SMG7: variants seen among roughly 807,000 people sequenced by gnomAD.
SMG7 encodes SMG7 nonsense mediated mRNA decay factor.
SMG7 carries 34 observed loss-of-function variants against 148.2 expected under a neutral mutation model. The observed-to-expected ratio is 0.23, with a 90% confidence interval of 0.17 to 0.31. SMG7 has a LOEUF of 0.31. SMG7 is among the 10% of genes least tolerant of loss of function. The probability of loss-of-function intolerance (pLI) is 1.00; values close to 1 mark genes in which losing one functional copy is unlikely to be tolerated. For synonymous variants in SMG7, 492 were observed against 515.1 expected, an observed-to-expected ratio of 0.96 and a Z score of 0.61; for missense variants, 1,114 against 1,408.4, an observed-to-expected ratio of 0.79 and a Z score of 3.35.
intron 1 of SMG7, among the ~76,000 whole-genome samples, chr1:183,491,431 ATG>A (rs1656973741): frequency 6.6e-6 from 1 of 152,096 alleles, no homozygotes; most frequent in African/African-American, 2.4e-5. Context: ...TTTTGTGTAC[ATG>A]TGTTTTCATT....
intron 19 of SMG7, 74 bp downstream of exon 19, chr1:183,549,362 G>A (rs1670554734): frequency 2.8e-6 from 3 of 1,075,822 alleles, no homozygotes; most frequent in Non-Finnish European, 4.2e-6. Context: ...TACTGTTTCA[G>A]TATGTCTGTT....
chr1:183,539,328 A>G (rs746695235), intron 12 of SMG7, among the ~76,000 whole-genome samples: 80 of 152,174 alleles, frequency 5.3e-4, no homozygotes, highest in Middle Eastern at 3.4e-3. Context: ...TCCTTCATGA[A>G]ACCTTTTTCC....
chr1:183,507,643 G>A (rs535924788), intron 1 of SMG7, among the ~76,000 whole-genome samples: 1 of 152,272 alleles, frequency 6.6e-6, no homozygotes, highest in African/African-American at 2.4e-5. Context: ...TACATATAGT[G>A]TTAGCTGTAC....
chr1:183,515,673 G>A (rs1026544118), intron 2 of SMG7, among the ~76,000 whole-genome samples: 2 of 135,676 alleles, frequency 1.5e-5, no homozygotes, highest in African/African-American at 5.6e-5. Flanking sequence ...CAGAAGCATT[G>A]TAAACCAGAC....
rs1321084869 is a variant in SMG7 at position 183,553,185 on chromosome 1, G to A, written c.*1254G>A. The A allele has an allele frequency of 2.9e-5, 45 of 1,535,588 alleles. No homozygotes were observed. Among genetic ancestry groups the A allele is most frequent in the East Asian group, 4.9e-5 (2 of 40,912 alleles). On this transcript the variant is annotated 3_prime_UTR_variant, in exon 23 of 23. Transcript: ENST00000688051. ...CGACGTCGTCCATTTTGGAAGAGACGAAAGAAAGGAAAATAAACTCTTTGT... is the reference window on the plus strand; with the variant it reads ...CGACGTCGTCCATTTTGGAAGAGACAAAAGAAAGGAAAATAAACTCTTTGT...
chr1:183,520,226 T>A (rs1269979582), intron 4 of SMG7, among the ~76,000 whole-genome samples: 1 of 152,164 alleles, frequency 6.6e-6, no homozygotes, highest in Non-Finnish European at 1.5e-5. Context: ...GATTACAGGT[T>A]GATATTTATC....
At chr1:183,485,438 T>C (rs1211810278) in intron 1 of SMG7, among the ~76,000 whole-genome samples, 1 of 152,188 alleles carries the variant, frequency 6.6e-6, no homozygotes, top group Non-Finnish European at 1.5e-5. Flanking sequence ...GATAAGTTTT[T>C]CTTGTATATT....
At chr1:183,514,464 G>A (rs1663007647) in intron 2 of SMG7, among the ~76,000 whole-genome samples, 1 of 152,154 alleles carries the variant, frequency 6.6e-6, no homozygotes, top group Non-Finnish European at 1.5e-5. Flanking sequence ...TCTATATTGT[G>A]TATATCAGTG....
intron 1 of SMG7, among the ~76,000 whole-genome samples, chr1:183,504,438 T>G (rs1660446178): frequency 6.6e-6 from 1 of 151,846 alleles, no homozygotes; most frequent in Non-Finnish European, 1.5e-5. Flanking sequence ...TCTCCCAGGT[T>G]CAAGTGATTC....
chr1:183,528,977 T>C lies in SMG7; in HGVS notation c.642T>C (p.Ala214=), dbSNP rs1666388286. 6.2e-7 allele frequency: 1 copy of C among 1,613,710 alleles called. No homozygotes were observed. The highest frequency in any genetic ancestry group is 8.5e-7 in the Non-Finnish European group (1 of 1,179,706). Residue 214 remains alanine (A), a synonymous_variant, in exon 7 of 23, where the codon GCT becomes GCC. Transcript: ENST00000688051. ...TTIFYYCRSI[A]VKFPFPAAST... ...TTTTCTACTACTGCAGAAGCATTGC[T>C]GTGAAGTTCCCTTTCCCAGCTGCCT...
chr1:183,481,389 C>T (rs139765822), intron 1 of SMG7, among the ~76,000 whole-genome samples: 1 of 152,238 alleles, frequency 6.6e-6, no homozygotes, highest in African/African-American at 2.4e-5. Flanking sequence ...AACTTTGTAG[C>T]ATTTCCTGTA....
At chr1:183,490,036 G>A (rs1215236445) in intron 1 of SMG7, among the ~76,000 whole-genome samples, 1 of 152,136 alleles carries the variant, frequency 6.6e-6, no homozygotes, top group Non-Finnish European at 1.5e-5. Flanking sequence ...CAGCAATCTG[G>A]GTGATCCAGG....
intron 17 of SMG7, 82 bp downstream of exon 17, chr1:183,546,419 TA>T: frequency 7.0e-7 from 1 of 1,431,386 alleles, no homozygotes; most frequent in Admixed American, 2.2e-5. Context: ...ATAGATCTTA[TA>T]AAAAGGCCAC....
At chr1:183,505,341 G>C (rs1660667887) in intron 1 of SMG7, among the ~76,000 whole-genome samples, 1 of 152,112 alleles carries the variant, frequency 6.6e-6, no homozygotes, top group African/African-American at 2.4e-5. Context: ...TCTGCTGTCT[G>C]TGATATTGAT....
At chr1:183,524,105 A>G (rs1464753661) in intron 4 of SMG7, among the ~76,000 whole-genome samples, 1 of 151,276 alleles carries the variant, frequency 6.6e-6, no homozygotes, top group Non-Finnish European at 1.5e-5. Flanking sequence ...ATTTTTTAAG[A>G]CGGGGTCTCT....
intron 1 of SMG7, among the ~76,000 whole-genome samples, chr1:183,483,116 A>G (rs1654576918): frequency 6.6e-6 from 1 of 152,206 alleles, no homozygotes; most frequent in Admixed American, 6.5e-5. Flanking sequence ...TTAAATGACA[A>G]GCATGATTCT....
At chr1:183,499,491 C>T (rs1481259414) in intron 1 of SMG7, among the ~76,000 whole-genome samples, 8 of 152,134 alleles carry the variant, frequency 5.3e-5, no homozygotes, top group Non-Finnish European at 1.5e-5. Context: ...TTCCCTGAGA[C>T]GTTTTATGTG....
intron 8 of SMG7, among the ~76,000 whole-genome samples, 169 bp from the exon 9 acceptor site, chr1:183,532,995 G>A (rs187958736): frequency 5.9e-4 from 90 of 152,310 alleles, no homozygotes; most frequent in Admixed American, 2.1e-3. Context: ...GTCAGTTTGG[G>A]AAATAATTAG....
At chr1:183,487,471 A>C (rs1655754649) in intron 1 of SMG7, among the ~76,000 whole-genome samples, 1 of 152,180 alleles carries the variant, frequency 6.6e-6, no homozygotes, top group Non-Finnish European at 1.5e-5. Flanking sequence ...ATAAAATTCA[A>C]GGTTCTGGGA....
Sources: allele counts gnomAD v4.1 joint callset (sites outside exome capture counted in the v4.1 genomes callset), GRCh38; gene constraint gnomAD v4.1.1; transcripts MANE v1.5; gene names NCBI Gene and HGNC (gene_info 2026-07-23, HGNC 2026-07-21).